ITSN1: variants seen among roughly 807,000 people sequenced by gnomAD.
ITSN1 encodes intersectin 1.
A neutral mutation model predicts 239.8 loss-of-function variants in ITSN1; 58 were observed. The observed-to-expected ratio is 0.24, with a 90% CI of 0.20 to 0.30. The LOEUF (loss-of-function observed/expected upper bound fraction) is 0.30. Among genes scored for constraint, ITSN1 ranks in the 10% least tolerant of loss-of-function variants. ITSN1 has a pLI of 1.00. For missense variants in ITSN1, 1,558 were observed against 2,103.3 expected, an observed-to-expected ratio of 0.74 and a Z score of 5.07; for synonymous variants, 780 against 770.8, an observed-to-expected ratio of 1.01 and a Z score of -0.20.
intron 1 of ITSN1, among the ~76,000 whole-genome samples, chr21:33,684,795 CAGA>C (rs1175014100): frequency 2.6e-5 from 4 of 152,064 alleles, no homozygotes; most frequent in Admixed American, 6.5e-5. Context: ...GTGTGAACTA[CAGA>C]AGAACTGAAG....
chr21:33,745,880 A>G (rs1263203569), intron 5 of ITSN1, among the ~76,000 whole-genome samples: 1 of 152,202 alleles, frequency 6.6e-6, no homozygotes, highest in Non-Finnish European at 1.5e-5. Context: ...TAGCCCTCAA[A>G]CTGCATGCAC....
chr21:33,698,702 C>G (rs1015023942), intron 1 of ITSN1, among the ~76,000 whole-genome samples: 5 of 152,122 alleles, frequency 3.3e-5, no homozygotes, highest in African/African-American at 1.2e-4. Flanking sequence ...GCTTTCAGTA[C>G]CTTTTCTCTG....
chr21:33,707,648 A>G (rs563809487), intron 1 of ITSN1, among the ~76,000 whole-genome samples: 6 of 152,332 alleles, frequency 3.9e-5, no homozygotes, highest in African/African-American at 1.4e-4. Flanking sequence ...AATCATAGAT[A>G]TATACTTCTT....
chr21:33,750,098 A>C, intron 5 of ITSN1, 45 bp from the exon 6 acceptor site: 2 of 1,570,166 alleles, frequency 1.3e-6, no homozygotes, highest in Non-Finnish European at 1.7e-6. Flanking sequence ...TCAGTGTTGA[A>C]ATGTGATTGG....
At chr21:33,725,133 G>GTTT (rs1171718411) in intron 4 of ITSN1, among the ~76,000 whole-genome samples, 7 of 91,174 alleles carry the variant, frequency 7.7e-5, no homozygotes, top group East Asian at 4.3e-4. Context: ...TTTTTTTTTT[G>GTTT]TTTTTTTTTT....
At chr21:33,650,292 T>C (rs2088392634) in intron 1 of ITSN1, among the ~76,000 whole-genome samples, 1 of 152,170 alleles carries the variant, frequency 6.6e-6, no homozygotes, top group Non-Finnish European at 1.5e-5. Context: ...TGGCTTTTAG[T>C]GTCAGGCTTT....
At chr21:33,690,777 A>ATG (rs1410211078) in intron 1 of ITSN1, among the ~76,000 whole-genome samples, 13 of 19,278 alleles carry the variant, frequency 6.7e-4, no homozygotes, top group African/African-American at 4.8e-3. Context: ...AAAAAAGTGT[A>ATG]TATATATATA....
At chr21:33,839,703 CCACGCCCT>C (rs2074758252) in intron 29 of ITSN1, among the ~76,000 whole-genome samples, 1 of 152,192 alleles carries the variant, frequency 6.6e-6, no homozygotes, top group African/African-American at 2.4e-5. Context: ...TCCAGATGCC[CCACGCCCT>C]CACTGTAGGC....
Position 33,838,574 on chromosome 21 carries a change from A to G in ITSN1, c.3661+1942A>G, listed in dbSNP as rs1467348703. On this transcript the variant is annotated intron_variant, in intron 29 of 39. Coordinates refer to ENST00000381318, the MANE Select transcript of ITSN1 (RefSeq NM_003024.3). ...GGAACCAAGCAGACTAGATGTCAGC[A>G]ATGGGCCTGCTGCCCACGTGTCAAC... The G allele has an allele frequency of 2.2e-5, 10 of 447,778 alleles. No individual in the cohort carries two copies. In the Admixed American group the frequency reaches 6.4e-4, roughly 29 times the overall value. The allele number at this position is 447,778 out of a possible 1,614,324, so 27.7% of individuals were successfully genotyped here.
At chr21:33,818,045 C>G in intron 22 of ITSN1, 1 of 572,086 alleles carries the variant, frequency 1.7e-6, no homozygotes, top group South Asian at 2.3e-5. Context: ...CAGACAATGA[C>G]TTTGTGAAGA....
At chr21:33,744,440 AC>A (rs1198332894) in intron 5 of ITSN1, among the ~76,000 whole-genome samples, 1 of 151,742 alleles carries the variant, frequency 6.6e-6, no homozygotes, top group Non-Finnish European at 1.5e-5. Flanking sequence ...CTCTCACCAC[AC>A]CCCCCATTCT....
chr21:33,868,910 A>G (rs763924375), intron 33 of ITSN1, among the ~76,000 whole-genome samples: 1 of 152,028 alleles, frequency 6.6e-6, no homozygotes, highest in Non-Finnish European at 1.5e-5. Context: ...ATGTGTGACC[A>G]AGTGGCTTCT....
chr21:33,746,420 C>T (rs1348260929), intron 5 of ITSN1, among the ~76,000 whole-genome samples: 1 of 152,068 alleles, frequency 6.6e-6, no homozygotes, highest in Non-Finnish European at 1.5e-5. Context: ...CAATTACGTT[C>T]AAAGAACTGA....
At position 33,794,389 on chromosome 21, in the gene ITSN1, A is replaced by G. The variant is rs1031160893; in HGVS notation, c.1873A>G (p.Met625Val). 5.6e-6 allele frequency: 9 copies of G among 1,613,930 alleles called. No individual in the cohort carries two copies. The highest frequency in any genetic ancestry group is 5.0e-5 in the Admixed American group (3 of 59,990). The change falls in exon 17 of 40, where the codon ATG becomes GTG. Residue 625 changes from methionine to valine, a missense_variant. Around this residue, in one of 2 missense-constraint regions of ITSN1, gnomAD observed 982 missense variants for 1,209.9 expected, o/e 0.81. Transcript: ENST00000381318. ...NKQQLQKQKS[M>V]EAERLKQKEQ... ...GCAACAACTCCAGAAGCAAAAGTCC[A>G]TGGAGGCTGAACGACTGAAACAGAA...
chr21:33,796,022 GGC>G (rs1341962457), intron 17 of ITSN1, among the ~76,000 whole-genome samples: 3 of 150,282 alleles, frequency 2.0e-5, no homozygotes, highest in Non-Finnish European at 2.9e-5. Context: ...GGAGTGCAGT[GGC>G]ACGATCTCGG....
At chr21:33,829,841 C>A in intron 27 of ITSN1, 96 bp downstream of exon 27, 2 of 1,389,318 alleles carry the variant, frequency 1.4e-6, no homozygotes, top group South Asian at 1.3e-5. Flanking sequence ...ACAAACCACC[C>A]CTCACCACCT....
intron 10 of ITSN1, 99 bp downstream of exon 10, chr21:33,766,111 C>G: frequency 1.6e-6 from 2 of 1,276,254 alleles, no homozygotes; most frequent in South Asian, 1.3e-5. Context: ...TCATCCCTGA[C>G]AAGGAAACTA....
At chr21:33,822,242 T>G (rs1269807554) in intron 24 of ITSN1, among the ~76,000 whole-genome samples, 1 of 152,234 alleles carries the variant, frequency 6.6e-6, no homozygotes, top group Non-Finnish European at 1.5e-5. Context: ...TTTGTCTGTT[T>G]GTTTTAGTTT....
intron 20 of ITSN1, among the ~76,000 whole-genome samples, chr21:33,807,036 CT>C (rs1478988649): frequency 6.6e-6 from 1 of 152,136 alleles, no homozygotes; most frequent in African/African-American, 2.4e-5. Flanking sequence ...CTTACAGCCC[CT>C]GAACCTTAAA....
Sources: gnomAD v4.1 joint callset for allele counts (sites outside exome capture counted in the v4.1 genomes callset) on GRCh38, gnomAD v4.1.1 for gene constraint, gnomAD v4.1.1 regional missense constraint, MANE v1.5 for transcripts, NCBI Gene and HGNC (gene_info 2026-07-23, HGNC 2026-07-21) for gene names.